The following PACRG variants were observed in gnomAD, a reference collection of about 807,000 sequenced individuals.
PACRG encodes the protein parkin coregulated.
PACRG carries 29 observed loss-of-function variants against 29.7 expected under a neutral mutation model. That is an observed-to-expected ratio of 0.98 (90% CI 0.73 to 1.33). The LOEUF is 1.33. Among genes scored for constraint, PACRG ranks in the 40% most tolerant of loss-of-function variants. The pLI, the probability that PACRG is intolerant of heterozygous loss-of-function variation, is 0.00. For missense variants in PACRG, 279 were observed against 316.2 expected (o/e 0.88, Z 0.89); for synonymous variants, 116 against 118.7 (o/e 0.98, Z 0.15).
intron 4 of PACRG, chr6:163,112,235 G>T (rs1815755092): frequency 1.1e-5 from 2 of 176,262 alleles, no homozygotes; most frequent in Non-Finnish European, 2.2e-5. Context: ...GAAAGGCTTA[G>T]AAGGTAAATT....
chr6:163,016,320 G>A (rs1490625123), intron 2 of PACRG: 1 of 152,098 alleles, frequency 6.6e-6, no homozygotes, highest in African/African-American at 2.4e-5. Flanking sequence ...AAGAGGGATG[G>A]ACAAGATATA....
chr6:163,098,254 C>T (rs1814777440), intron 4 of PACRG, among the ~76,000 whole-genome samples: 2 of 152,166 alleles, frequency 1.3e-5, no homozygotes. Flanking sequence ...GGAACTGGCA[C>T]TCATGCCCCC....
chr6:162,798,146 A>G (rs932736903), intron 1 of PACRG, among the ~76,000 whole-genome samples: 11 of 152,180 alleles, frequency 7.2e-5, no homozygotes, highest in African/African-American at 2.7e-4. Context: ...GCTTATTTAA[A>G]GTGGGCTTCT....
intron 2 of PACRG, among the ~76,000 whole-genome samples, chr6:162,947,631 T>TATATATATATATATAATC (rs1799327913): frequency 2.8e-5 from 2 of 71,534 alleles, no homozygotes; most frequent in Admixed American, 1.8e-4. Flanking sequence ...TATATATATA[T>TATATATATATATATAATC]ATATATATAT....
At chr6:163,295,783 A>C (rs910994318) in intron 4 of PACRG, among the ~76,000 whole-genome samples, 3 of 152,174 alleles carry the variant, frequency 2.0e-5, no homozygotes, top group African/African-American at 7.2e-5. Flanking sequence ...GCTAACATAG[A>C]TCCCTGGGAG....
At chr6:163,089,473 G>A in intron 4 of PACRG, 65 bp downstream of exon 4, 1 of 1,557,214 alleles carries the variant, frequency 6.4e-7, no homozygotes, top group Non-Finnish European at 8.8e-7. Context: ...TTGAAGTAGA[G>A]TTAATTAGCA....
intron 2 of PACRG, among the ~76,000 whole-genome samples, chr6:162,929,006 C>T (rs1283592030): frequency 6.6e-6 from 1 of 151,978 alleles, no homozygotes; most frequent in East Asian, 1.9e-4. Context: ...TTTTCTTTAT[C>T]CAGTCATCCA....
At chr6:162,747,216 G>A (rs914360487) in intron 1 of PACRG, among the ~76,000 whole-genome samples, 2 of 149,708 alleles carry the variant, frequency 1.3e-5, no homozygotes, top group Non-Finnish European at 3.0e-5. Flanking sequence ...AGAGAGACTG[G>A]CCTAGCCTCC....
At chr6:163,274,861 C>CTTTTTTTTTTTTTTTTTTTTT (rs58333018) in intron 4 of PACRG, among the ~76,000 whole-genome samples, 2 of 126,326 alleles carry the variant, frequency 1.6e-5, no homozygotes, top group Non-Finnish European at 3.2e-5. Context: ...TTCTTTCTTT[C>CTTTTTTTTTTTTTTTTTTTTT]TTTTTTTTTT....
chr6:162,832,540 T>A (rs867675006), intron 2 of PACRG, among the ~76,000 whole-genome samples: 1 of 152,208 alleles, frequency 6.6e-6, no homozygotes, highest in Non-Finnish European at 1.5e-5. Flanking sequence ...GTTTAGCTTT[T>A]GTTAGTGGCA....
chr6:162,738,645 A>G (rs1025275367), intron 1 of PACRG, among the ~76,000 whole-genome samples: 1 of 152,108 alleles, frequency 6.6e-6, no homozygotes, highest in Non-Finnish European at 1.5e-5. Context: ...ACTATACTGT[A>G]TTTACTCCAA....
At chr6:162,925,895 A>G (rs899122585) in intron 2 of PACRG, among the ~76,000 whole-genome samples, 1 of 152,130 alleles carries the variant, frequency 6.6e-6, no homozygotes, top group African/African-American at 2.4e-5. Context: ...ATCCTCCTAT[A>G]TCTAGAAAAC....
intron 4 of PACRG, among the ~76,000 whole-genome samples, chr6:163,122,324 G>C (rs1816319957): frequency 7.3e-6 from 1 of 137,018 alleles, no homozygotes; most frequent in South Asian, 2.3e-4. Flanking sequence ...TATTTGTTCA[G>C]CTTTACTGAG....
chr6:163,195,723 C>T (rs1275899814), intron 4 of PACRG, among the ~76,000 whole-genome samples: 2 of 152,168 alleles, frequency 1.3e-5, no homozygotes, highest in Non-Finnish European at 1.5e-5. Context: ...CCCTGCCCTG[C>T]CGGGAAATGG....
chr6:163,191,682 C>A (rs1321642242), intron 4 of PACRG: 1 of 456,376 alleles, frequency 2.2e-6, no homozygotes, highest in South Asian at 1.5e-5. Flanking sequence ...ACGTGGCCAT[C>A]TGTGCCTATG....
intron 2 of PACRG, among the ~76,000 whole-genome samples, chr6:162,935,429 C>A (rs1268398424): frequency 6.9e-6 from 1 of 145,670 alleles, no homozygotes; most frequent in African/African-American, 2.5e-5. Context: ...ATTTTAAAGA[C>A]CTGTCTTTGA....
intron 2 of PACRG, among the ~76,000 whole-genome samples, chr6:162,863,192 G>T (rs1321006782): frequency 6.6e-6 from 1 of 152,176 alleles, no homozygotes; most frequent in Non-Finnish European, 1.5e-5. Context: ...CGTGCCTGAT[G>T]TGGGCTATGT....
intron 4 of PACRG, among the ~76,000 whole-genome samples, chr6:163,106,205 T>C (rs1815373387): frequency 1.3e-5 from 2 of 152,168 alleles, no homozygotes. Flanking sequence ...TATAGGATTA[T>C]TCAAATGGAA....
At position 163,144,233 on chromosome 6, in the gene PACRG, C is replaced by CAAAAAAA. The variant is rs754157729; in HGVS notation, c.613+54835_613+54841dup. On this transcript the variant is annotated intron_variant, in intron 4 of 4. Coordinates refer to ENST00000366888, the MANE Select transcript of PACRG (RefSeq NM_001080379.2). The stretch of plus-strand genomic sequence containing the variant: ...GACAGAGTGAGACTCCGTCTCAAAA[C>CAAAAAAA]AAAAAAAAAAAAAAAAGGGAAAAGT... Among the ~76,000 whole-genome samples, 112 of 101,908 alleles carry CAAAAAAA rather than the reference C, an allele frequency of 1.1e-3. 3 individuals carry two copies. The highest frequency in any genetic ancestry group is 2.0e-3 in the African/African-American group (51 of 26,014). 66.9% of individuals were successfully genotyped at this position (101,908 alleles called of 152,430 possible).
Sources: gnomAD v4.1 joint callset for allele counts (sites outside exome capture counted in the v4.1 genomes callset) on GRCh38, gnomAD v4.1.1 for gene constraint, MANE v1.5 for transcripts, NCBI Gene and HGNC (gene_info 2026-07-23, HGNC 2026-07-21) for gene names.